GPC6: variants seen among roughly 807,000 people sequenced by gnomAD.
GPC6 encodes glypican 6.
A neutral mutation model predicts 55.2 loss-of-function variants in GPC6; 14 were observed. The observed-to-expected ratio is 0.25, with a 90% CI of 0.17 to 0.40. The LOEUF (loss-of-function observed/expected upper bound fraction) is 0.40. GPC6 is among the 10% of genes least tolerant of loss of function. The pLI, the probability that GPC6 is intolerant of heterozygous loss-of-function variation, is 1.00. For synonymous variants in GPC6, 278 were observed against 259.6 expected (o/e 1.07, Z -0.68); for missense variants, 641 against 708.5 (o/e 0.90, Z 1.08).
intron 1 of GPC6, among the ~76,000 whole-genome samples, chr13:93,315,735 A>T (rs1476570425): frequency 6.9e-6 from 1 of 145,316 alleles, no homozygotes; most frequent in East Asian, 2.1e-4. Context: ...TTAGGATATT[A>T]TATGAGCAAA....
intron 2 of GPC6, among the ~76,000 whole-genome samples, chr13:93,814,121 A>T (rs1370287147): frequency 6.6e-6 from 1 of 152,158 alleles, no homozygotes; most frequent in East Asian, 1.9e-4. Context: ...ATGAGAAGAT[A>T]GTGGACAGGA....
intron 1 of GPC6, among the ~76,000 whole-genome samples, chr13:93,507,539 T>G (rs530458579): frequency 6.6e-6 from 1 of 152,346 alleles, no homozygotes; most frequent in East Asian, 1.9e-4. Flanking sequence ...ATGAGCAGCT[T>G]CAGTCCATGG....
chr13:93,275,658 C>T (rs553875638), intron 1 of GPC6, among the ~76,000 whole-genome samples: 1 of 152,256 alleles, frequency 6.6e-6, no homozygotes, highest in East Asian at 1.9e-4. Flanking sequence ...TGGGGTTTCT[C>T]CTGTGTGTGC....
At chr13:93,831,480 A>G (rs9524249) in intron 3 of GPC6, among the ~76,000 whole-genome samples, 1 of 151,822 alleles carries the variant, frequency 6.6e-6, no homozygotes, top group East Asian at 1.9e-4. Context: ...ATTCCCAAAC[A>G]CTACTTTTCT....
intron 2 of GPC6, among the ~76,000 whole-genome samples, chr13:93,743,063 A>G (rs2138851917): frequency 6.6e-6 from 1 of 152,346 alleles, no homozygotes; most frequent in African/African-American, 2.4e-5. Context: ...GTAGTTAGCT[A>G]CAAGCAGTGA....
intron 1 of GPC6, among the ~76,000 whole-genome samples, chr13:93,503,835 C>T (rs1880610723): frequency 2.0e-5 from 3 of 152,110 alleles, no homozygotes; most frequent in Admixed American, 2.0e-4. Context: ...GAACCAGTTA[C>T]AGAGAGGTTG....
intron 2 of GPC6, among the ~76,000 whole-genome samples, chr13:93,737,608 G>A (rs759287132): frequency 6.6e-5 from 10 of 152,036 alleles, no homozygotes; most frequent in Non-Finnish European, 1.0e-4. Context: ...ACTCGGGAAA[G>A]CTTTTTTTAC....
intron 4 of GPC6, among the ~76,000 whole-genome samples, chr13:94,113,790 G>A (rs1417659982): frequency 6.6e-6 from 1 of 151,870 alleles, no homozygotes; most frequent in Non-Finnish European, 1.5e-5. Flanking sequence ...GGAGCCTGAG[G>A]TGAGAGGATC....
chr13:93,383,195 C>T (rs1239672112), intron 1 of GPC6, among the ~76,000 whole-genome samples: 1 of 152,142 alleles, frequency 6.6e-6, no homozygotes, highest in Non-Finnish European at 1.5e-5. Context: ...TGACGATTAA[C>T]TAATCTGAAA....
At chr13:93,637,679 T>C (rs1387369330) in intron 2 of GPC6, among the ~76,000 whole-genome samples, 1 of 152,166 alleles carries the variant, frequency 6.6e-6, no homozygotes, top group African/African-American at 2.4e-5. Flanking sequence ...ACAGTCATAA[T>C]TAAATAATAA....
At chr13:93,781,062 G>C (rs1445886099) in intron 2 of GPC6, among the ~76,000 whole-genome samples, 1 of 151,854 alleles carries the variant, frequency 6.6e-6, no homozygotes, top group African/African-American at 2.4e-5. Context: ...TGGATCACAA[G>C]GTCCAGAGAT....
At chr13:94,083,647 A>G (rs904879022) in intron 4 of GPC6, among the ~76,000 whole-genome samples, 21 of 152,198 alleles carry the variant, frequency 1.4e-4, no homozygotes, top group Non-Finnish European at 1.0e-4. Context: ...CTGATAGACA[A>G]TAAACAATTG....
chr13:93,519,208 A>G (rs1014142149), intron 1 of GPC6, among the ~76,000 whole-genome samples: 1 of 152,088 alleles, frequency 6.6e-6, no homozygotes, highest in East Asian at 1.9e-4. Flanking sequence ...ATTCTTCTAC[A>G]TTCAAACTGA....
chr13:93,698,837 T>C (rs1882569380), intron 2 of GPC6, among the ~76,000 whole-genome samples: 1 of 152,026 alleles, frequency 6.6e-6, no homozygotes, highest in Non-Finnish European at 1.5e-5. Context: ...TCTTCCTTTT[T>C]TCTCTCAATG....
chr13:94,246,117 C>T (rs1329605258), intron 4 of GPC6, among the ~76,000 whole-genome samples: 1 of 151,956 alleles, frequency 6.6e-6, no homozygotes, highest in Admixed American at 6.6e-5. Flanking sequence ...GATTAGGGAT[C>T]TTGTGTATCT....
intron 1 of GPC6, among the ~76,000 whole-genome samples, chr13:93,516,082 T>G (rs1016407297): frequency 6.6e-6 from 1 of 152,190 alleles, no homozygotes; most frequent in Admixed American, 6.6e-5. Flanking sequence ...ACTCTGTTAC[T>G]GTAGAAGCTT....
rs1173129736 is a variant in GPC6 at position 93,364,414 on chromosome 13, A to G, written c.160+136798A>G. On this transcript the variant is annotated intron_variant, in intron 1 of 8. Transcript: ENST00000377047. Reference sequence around the variant, plus strand: ...ACGGTGAGTCAACAGTTTTTAAAACACTACAGCAACGTTAGTGTTTTCACC... The same window carrying G: ...ACGGTGAGTCAACAGTTTTTAAAACGCTACAGCAACGTTAGTGTTTTCACC... Among the ~76,000 whole-genome samples, 5 of 152,194 alleles carry G rather than the reference A, an allele frequency of 3.3e-5. No individual in the cohort carries two copies. In the East Asian group the frequency reaches 9.7e-4, roughly 30 times the overall value.
At chr13:94,088,911 T>C (rs1363446242) in intron 4 of GPC6, among the ~76,000 whole-genome samples, 9 of 152,156 alleles carry the variant, frequency 5.9e-5, no homozygotes, top group Non-Finnish European at 1.0e-4. Flanking sequence ...GTCACTGATA[T>C]AAAATCTCTA....
At chr13:93,620,612 T>C (rs1342330116) in intron 2 of GPC6, among the ~76,000 whole-genome samples, 2 of 152,240 alleles carry the variant, frequency 1.3e-5, no homozygotes, top group African/African-American at 4.8e-5. Context: ...GTTGGTCTGA[T>C]GTTAGCAGCT....
Sources: gnomAD v4.1 joint callset for allele counts (sites outside exome capture counted in the v4.1 genomes callset) on GRCh38, gnomAD v4.1.1 for gene constraint, MANE v1.5 for transcripts, NCBI Gene and HGNC (gene_info 2026-07-23, HGNC 2026-07-21) for gene names.